UNC13C: variants seen among roughly 807,000 people sequenced by gnomAD.
UNC13C encodes the protein protein unc-13 homolog C.
A neutral mutation model predicts 245.4 loss-of-function variants in UNC13C; 174 were observed. That is an observed-to-expected ratio of 0.71 (90% confidence interval 0.63 to 0.80). The LOEUF is 0.80. Ranked by LOEUF, UNC13C falls within the 30% of genes least tolerant of loss-of-function variation. The pLI is 0.00. For missense variants in UNC13C, 2,829 were observed against 2,602.9 expected, an observed-to-expected ratio of 1.09 and a Z score of -1.89; for synonymous variants, 992 against 895.1, an observed-to-expected ratio of 1.11 and a Z score of -1.93.
chr15:54,553,633 C>T (rs990631628), intron 28 of UNC13C, among the ~76,000 whole-genome samples: 4 of 150,634 alleles, frequency 2.7e-5, no homozygotes, highest in African/African-American at 7.3e-5. Context: ...GATGAAAATA[C>T]ACCTGAGACT....
chr15:54,083,509 G>A (rs192052117), intron 2 of UNC13C, among the ~76,000 whole-genome samples: 133 of 152,322 alleles, frequency 8.7e-4, no homozygotes, highest in Non-Finnish European at 1.6e-3. Flanking sequence ...TTCTCCAAGT[G>A]TACATGTGTC....
At chr15:54,496,964 T>C (rs1893977936) in intron 20 of UNC13C, among the ~76,000 whole-genome samples, 1 of 151,836 alleles carries the variant, frequency 6.6e-6, no homozygotes, top group African/African-American at 2.4e-5. Flanking sequence ...TCAAAACCTA[T>C]TGAAATGAAA....
At chr15:54,439,663 T>C (rs1275223216) in intron 19 of UNC13C, among the ~76,000 whole-genome samples, 1 of 151,954 alleles carries the variant, frequency 6.6e-6, no homozygotes, top group African/African-American at 2.4e-5. Context: ...CAATATGTGA[T>C]ATTTGTACAT....
intron 10 of UNC13C, among the ~76,000 whole-genome samples, chr15:54,271,723 A>G (rs2036692454): frequency 6.6e-6 from 1 of 152,354 alleles, no homozygotes; most frequent in South Asian, 2.1e-4. Context: ...TTTTTAATAG[A>G]TATTAACCAT....
intron 30 of UNC13C, among the ~76,000 whole-genome samples, chr15:54,617,080 G>A (rs1380471580): frequency 6.6e-6 from 1 of 152,044 alleles, no homozygotes. Context: ...CTAGGTTTGT[G>A]TAAGTACACT....
intron 22 of UNC13C, 64 bp from the exon 23 acceptor site, chr15:54,507,053 C>T (rs989209785): frequency 8.2e-6 from 9 of 1,101,886 alleles, no homozygotes; most frequent in Non-Finnish European, 1.2e-5. Context: ...TAGGATTAAA[C>T]TTTATAGCAT....
Position 54,227,245 on chromosome 15 carries a change from G to A in UNC13C, c.3072-7785G>A, listed in dbSNP as rs370548866. 3.3e-5 allele frequency among the ~76,000 whole-genome samples: 5 copies of A among 152,158 alleles called. No homozygotes were observed. In the East Asian group the frequency reaches 7.8e-4, roughly 24 times the overall value. ...AGAAGGGAGGAAGTGTGTGCTGATC[G>A]GTCCATGGATGGCCACGGGCGGGCC... On this transcript the variant is annotated intron_variant, in intron 4 of 32. Coordinates refer to ENST00000260323, the MANE Select transcript of UNC13C (RefSeq NM_001080534.3).
chr15:53,885,011 A>C, the UNC13C span, among the ~76,000 whole-genome samples: 55 of 152,374 alleles, frequency 3.6e-4, no homozygotes, highest in African/African-American at 1.3e-3. Flanking sequence ...AATCATGAGA[A>C]TATGCATTTG....
chr15:54,029,021 A>G (rs903810185), intron 2 of UNC13C, among the ~76,000 whole-genome samples: 2 of 152,042 alleles, frequency 1.3e-5, no homozygotes, highest in Non-Finnish European at 2.9e-5. Context: ...TAAACTATTT[A>G]TGAGAAATAT....
intron 2 of UNC13C, among the ~76,000 whole-genome samples, chr15:54,137,304 G>A (rs570798953): frequency 1.1e-4 from 17 of 152,280 alleles, no homozygotes; most frequent in Admixed American, 6.5e-5. Flanking sequence ...ATAGTGGCCT[G>A]TAATTTTCTT....
chr15:53,921,174 A>G, the UNC13C span, among the ~76,000 whole-genome samples: 3 of 152,128 alleles, frequency 2.0e-5, no homozygotes, highest in Non-Finnish European at 2.9e-5. Flanking sequence ...ATGACAGGAA[A>G]GAACATTGCT....
At chr15:54,056,781 C>G (rs1468976656) in intron 2 of UNC13C, among the ~76,000 whole-genome samples, 1 of 152,158 alleles carries the variant, frequency 6.6e-6, no homozygotes, top group South Asian at 2.1e-4. Context: ...ACTCTACAAG[C>G]CAGAAGAGAG....
the UNC13C span, among the ~76,000 whole-genome samples, chr15:53,935,446 T>C: frequency 6.6e-6 from 1 of 152,162 alleles, no homozygotes; most frequent in Non-Finnish European, 1.5e-5. Flanking sequence ...AAGAAATGTA[T>C]AGAATAAAAA....
chr15:54,189,725 A>G (rs8039506), intron 4 of UNC13C, among the ~76,000 whole-genome samples: 28,251 of 152,126 alleles, frequency 0.19, 3,192 homozygotes, highest in Middle Eastern at 0.29. Flanking sequence ...CCTGGTCATG[A>G]GACAGTGTTA....
intron 1 of UNC13C, among the ~76,000 whole-genome samples, chr15:53,982,944 G>T (rs1893983764): frequency 6.6e-6 from 1 of 152,146 alleles, no homozygotes; most frequent in Admixed American, 6.6e-5. Flanking sequence ...CAGAGGCTTG[G>T]TGAATAGCAT....
At chr15:54,416,927 T>A (rs1191763906) in intron 19 of UNC13C, 2 of 456,584 alleles carry the variant, frequency 4.4e-6, no homozygotes, top group Admixed American at 4.7e-5. Context: ...GGCCAGCTGC[T>A]CTGATGCCTG....
At chr15:54,203,888 A>G (rs1001782678) in intron 4 of UNC13C, among the ~76,000 whole-genome samples, 8 of 104,626 alleles carry the variant, frequency 7.6e-5, no homozygotes, top group African/African-American at 2.4e-4. Flanking sequence ...ACACATGTGT[A>G]TATGTATATG....
At chr15:54,566,073 CT>C (rs1252127120) in intron 29 of UNC13C, among the ~76,000 whole-genome samples, 1 of 151,872 alleles carries the variant, frequency 6.6e-6, no homozygotes, top group Non-Finnish European at 1.5e-5. Flanking sequence ...AGTTCCCCCC[CT>C]ACTCTTGGCT....
At chr15:54,230,623 C>G (rs1415929455) in intron 4 of UNC13C, among the ~76,000 whole-genome samples, 1 of 151,890 alleles carries the variant, frequency 6.6e-6, no homozygotes, top group African/African-American at 2.4e-5. Flanking sequence ...AGGCACATAG[C>G]AATATACTGT....
Sources: gnomAD v4.1 joint callset for allele counts (sites outside exome capture counted in the v4.1 genomes callset) on GRCh38, gnomAD v4.1.1 for gene constraint, MANE v1.5 for transcripts, NCBI Gene and HGNC (gene_info 2026-07-23, HGNC 2026-07-21) for gene names.